Variants in CCDC175 observed in about 807,000 individuals in gnomAD.
The protein encoded by CCDC175 is coiled-coil domain containing 175, also known as coiled-coil domain-containing protein 175.
In CCDC175, 100 loss-of-function variants were observed where a neutral mutation model predicts 114.6. The observed-to-expected ratio is 0.87, with a 90% CI of 0.74 to 1.03. The LOEUF is 1.03. Ranked by LOEUF, CCDC175 falls within the 50% of genes least tolerant of loss-of-function variation. The pLI is 0.00. For synonymous variants in CCDC175, 306 were observed against 308.7 expected (o/e 0.99, Z 0.09); for missense variants, 880 against 917.8 (o/e 0.96, Z 0.53).
rs376631047 is a variant in CCDC175 at position 59,513,954 on chromosome 14, C to A, written c.2099-2151G>T. The stretch of plus-strand genomic sequence containing the variant: ...CTGACACCTCACATGGCCGGGTACT[C>A]CTCTGAGACAAAACTTCCAGAGGCA... On this transcript the variant is annotated intron_variant, in intron 17 of 19. Transcript: ENST00000537690. 3.9e-5 allele frequency among the ~76,000 whole-genome samples: 6 copies of A among 152,260 alleles called. No homozygotes were observed. In the East Asian group the frequency reaches 1.2e-3, roughly 29 times the overall value.
At chr14:59,516,138 T>C (rs2139967635) in intron 17 of CCDC175, among the ~76,000 whole-genome samples, 1 of 152,260 alleles carries the variant, frequency 6.6e-6, no homozygotes, top group East Asian at 1.9e-4. Flanking sequence ...AGACACGACA[T>C]ACCAGAATCT....
intron 17 of CCDC175, among the ~76,000 whole-genome samples, chr14:59,518,694 A>G (rs1175001057): frequency 2.0e-5 from 3 of 152,196 alleles, no homozygotes; most frequent in African/African-American, 7.2e-5. Context: ...ATATGGAGAA[A>G]CAGGAACACT....
chr14:59,535,026 C>G (rs1490354811), intron 13 of CCDC175, among the ~76,000 whole-genome samples: 1 of 152,172 alleles, frequency 6.6e-6, no homozygotes, highest in Non-Finnish European at 1.5e-5. Context: ...AGGGGCACAA[C>G]AATAGTTTCA....
chr14:59,514,060 T>G (rs1158828499), intron 17 of CCDC175, among the ~76,000 whole-genome samples: 1 of 152,218 alleles, frequency 6.6e-6, no homozygotes, highest in Non-Finnish European at 1.5e-5. Flanking sequence ...AAACGGGGTC[T>G]GGAGTGGACC....
intron 19 of CCDC175, among the ~76,000 whole-genome samples, chr14:59,506,296 T>C (rs1032249934): frequency 3.3e-5 from 5 of 150,404 alleles, no homozygotes; most frequent in East Asian, 1.9e-4. Flanking sequence ...TTTTTCTTTT[T>C]TTTTTTTTGA....
At chr14:59,569,737 A>G (rs147189131) in intron 3 of CCDC175, among the ~76,000 whole-genome samples, 1,662 of 152,256 alleles carry the variant, frequency 0.011, 14 homozygotes, top group Non-Finnish European at 0.017. Context: ...AACCCACTCT[A>G]TCAGTCAGGG....
chr14:59,525,351 T>A lies in CCDC175; in HGVS notation c.1926A>T (p.Leu642Phe). 6.6e-7 allele frequency: 1 copy of A among 1,511,792 alleles called. No homozygotes were observed. The highest frequency in any genetic ancestry group is 8.8e-7 in the Non-Finnish European group (1 of 1,137,538). The allele number at this position is 1,511,792 out of a possible 1,614,324, so 93.6% of individuals were successfully genotyped here. A position where few individuals can be genotyped will look rare whatever the true frequency, so the allele number is the denominator to read the frequency against. The change falls in exon 16 of 20, where the codon TTA becomes TTT. Residue 642 changes from leucine to phenylalanine, a missense_variant. Leu to Phe is a conservative substitution (Grantham distance 22). Coordinates refer to ENST00000537690, the MANE Select transcript of CCDC175 (RefSeq NM_001164399.2). ...NKDHFETLKN[L>F]ENGFYINDQK... ...GGTCATTTATATAGAATCCATTTTC[T>A]AAGTTCTTTAGAGTTTCAAAATGAT... is the stretch of plus-strand genomic sequence containing the variant.
At chr14:59,510,453 G>T in intron 19 of CCDC175, 193 bp downstream of exon 19, 1 of 536,730 alleles carries the variant, frequency 1.9e-6, no homozygotes, top group Non-Finnish European at 3.3e-6. Flanking sequence ...TCTCTTAGGT[G>T]AAAGGCAGAA....
intron 3 of CCDC175, among the ~76,000 whole-genome samples, chr14:59,570,943 A>C (rs772200565): frequency 8.6e-4 from 131 of 152,062 alleles, no homozygotes; most frequent in African/African-American, 2.7e-3. Flanking sequence ...GGGTTTCACT[A>C]TGTTGGCCAG....
intron 1 of CCDC175, among the ~76,000 whole-genome samples, chr14:59,575,461 A>G (rs1424321169): frequency 6.9e-6 from 1 of 145,638 alleles, no homozygotes; most frequent in Non-Finnish European, 1.5e-5. Flanking sequence ...CATGTGAATA[A>G]TTTAGGTCTT....
chr14:59,547,413 A>G (rs1233635312), intron 8 of CCDC175, among the ~76,000 whole-genome samples: 1 of 152,214 alleles, frequency 6.6e-6, no homozygotes, highest in Non-Finnish European at 1.5e-5. Flanking sequence ...AACACTTTTG[A>G]AGAACAAAGG....
chr14:59,530,614 G>A (rs980195790), intron 14 of CCDC175, among the ~76,000 whole-genome samples: 2 of 152,092 alleles, frequency 1.3e-5, no homozygotes, highest in South Asian at 2.1e-4. Flanking sequence ...CATCTGAGGA[G>A]TGGGTACCAG....
chr14:59,557,454 C>T (rs1319875448), intron 7 of CCDC175, among the ~76,000 whole-genome samples: 1 of 107,318 alleles, frequency 9.3e-6, no homozygotes, highest in Admixed American at 1.3e-4. Flanking sequence ...CCTCACACAC[C>T]GGGGCCTGTT....
At position 59,569,178 on chromosome 14, in the gene CCDC175, C is replaced by T. The variant is rs143929744; in HGVS notation, c.356-798G>A. Among the ~76,000 whole-genome samples, 418 of 152,306 alleles carry T rather than the reference C, an allele frequency of 2.7e-3. 3 individuals are homozygous for T. Among genetic ancestry groups the T allele is most frequent in the African/African-American group, 9.4e-3 (391 of 41,574 alleles). On this transcript the variant is annotated intron_variant, in intron 3 of 19. Transcript: ENST00000537690. ...GAAGGTGCTGGACTACTCATTTCTA[C>T]ACAGCAAACTCCCTAGAAACTAGCT...
intron 7 of CCDC175, 118 bp from the exon 8 acceptor site, chr14:59,551,554 T>C (rs1243811432): frequency 2.0e-6 from 1 of 508,698 alleles, no homozygotes; most frequent in African/African-American, 2.0e-5. Flanking sequence ...ACACAGAAGA[T>C]GGGTGATTTC....
intron 9 of CCDC175, 64 bp downstream of exon 9, chr14:59,545,099 T>A (rs1895022255): frequency 2.1e-6 from 3 of 1,447,172 alleles, no homozygotes. Context: ...GCCACCACTT[T>A]GATAGCAAGA....
intron 17 of CCDC175, among the ~76,000 whole-genome samples, chr14:59,512,265 AACTTACC>A (rs1179911595): frequency 6.6e-6 from 1 of 152,244 alleles, no homozygotes; most frequent in African/African-American, 2.4e-5. Flanking sequence ...CAATCAGTGC[AACTTACC>A]ACACGAACAG....
intron 7 of CCDC175, among the ~76,000 whole-genome samples, chr14:59,552,754 T>C (rs1895607681): frequency 6.6e-6 from 1 of 152,030 alleles, no homozygotes; most frequent in African/African-American, 2.4e-5. Context: ...GAATAACCAG[T>C]GTAGAAAAGT....
At chr14:59,506,627 GT>G (rs1482202092) in intron 19 of CCDC175, among the ~76,000 whole-genome samples, 1 of 152,156 alleles carries the variant, frequency 6.6e-6, no homozygotes, top group Non-Finnish European at 1.5e-5. Context: ...TGATTCTAAT[GT>G]TTGAGAACCA....
Sources: gnomAD v4.1 joint callset for allele counts (sites outside exome capture counted in the v4.1 genomes callset) on GRCh38, gnomAD v4.1.1 for gene constraint, MANE v1.5 for transcripts, NCBI Gene and HGNC (gene_info 2026-07-23, HGNC 2026-07-21) for gene names.